RIT1: variants seen among roughly 807,000 people sequenced by gnomAD.
The protein encoded by RIT1 is GTP-binding protein Rit1.
Under a neutral mutation model 25.6 loss-of-function variants are expected in RIT1, and 6 were observed. The ratio of observed to expected loss-of-function variants is 0.23; its 90% confidence interval spans 0.13 to 0.46. The LOEUF (loss-of-function observed/expected upper bound fraction) is 0.46, where lower values mean the gene tolerates loss of function less well. Ranked by LOEUF, RIT1 falls within the 20% of genes least tolerant of loss-of-function variation. The pLI is 0.99. For synonymous variants in RIT1, 81 were observed against 94.1 expected (o/e 0.86, Z 0.80); for missense variants, 219 against 284.4 (o/e 0.77, Z 1.65).
intron 3 of RIT1, 84 bp from the exon 4 acceptor site, chr1:155,904,888 A>C (rs1407099734): frequency 1.2e-6 from 1 of 860,754 alleles, no homozygotes; most frequent in Non-Finnish European, 1.9e-6. Flanking sequence ...AGAGTAGTAC[A>C]TTGTATCCAA....
At chr1:155,902,104 G>C (rs1266693962) in intron 5 of RIT1, among the ~76,000 whole-genome samples, 1 of 152,164 alleles carries the variant, frequency 6.6e-6, no homozygotes, top group Non-Finnish European at 1.5e-5. Context: ...TCCAGCAAAA[G>C]AGGATGTAGC....
At chr1:155,901,729 G>C (rs1673316380) in intron 5 of RIT1, among the ~76,000 whole-genome samples, 1 of 151,934 alleles carries the variant, frequency 6.6e-6, no homozygotes, top group Non-Finnish European at 1.5e-5. Context: ...AAGGTAAGAG[G>C]ATCACTTGAG....
chr1:155,908,826 G>A (rs553287973), intron 3 of RIT1, among the ~76,000 whole-genome samples: 23 of 152,012 alleles, frequency 1.5e-4, no homozygotes, highest in Non-Finnish European at 2.8e-4. Flanking sequence ...ACCTCTCAAA[G>A]TGCTGGGATT....
intron 3 of RIT1, chr1:155,910,042 G>T (rs1315914719): frequency 5.7e-6 from 1 of 176,646 alleles, no homozygotes; most frequent in African/African-American, 2.4e-5. Flanking sequence ...GCATGTCTGG[G>T]TTGTAAGAGT....
intron 3 of RIT1, among the ~76,000 whole-genome samples, chr1:155,908,379 C>T (rs974884737): frequency 6.9e-6 from 1 of 145,608 alleles, no homozygotes; most frequent in Admixed American, 6.9e-5. Flanking sequence ...GGCGTGAACC[C>T]GGGAGGCGGA....
In RIT1 at chr1:155,910,772, G is replaced by A; in HGVS notation, c.-11C>T. ...AGTTCCAGAATCCATTGTCCTCTTGGGGCCTTCCTCGGTTGCCCCGAGGAA... is the reference window on the plus strand; with the variant it reads ...AGTTCCAGAATCCATTGTCCTCTTGAGGCCTTCCTCGGTTGCCCCGAGGAA... On this transcript the variant is annotated 5_prime_UTR_variant, in exon 2 of 6. Coordinates refer to ENST00000368323, the MANE Select transcript of RIT1 (RefSeq NM_006912.6). 1 of 1,614,164 alleles carries A rather than the reference G, an allele frequency of 6.2e-7. No homozygotes were observed. The highest frequency in any genetic ancestry group is 8.5e-7 in the Non-Finnish European group (1 of 1,180,024).
Position 155,899,230 on chromosome 1 carries a change from C to G in RIT1, c.*1158G>C, listed in dbSNP as rs1320792332. 1.5e-5 allele frequency: 3 copies of G among 203,058 alleles called. No individual in the cohort carries two copies. The highest frequency in any genetic ancestry group is 3.0e-5 in the Non-Finnish European group (3 of 98,662). The allele number at this position is 203,058 out of a possible 1,614,324, so 12.6% of individuals were successfully genotyped here. On this transcript the variant is annotated 3_prime_UTR_variant, in exon 6 of 6. Coordinates refer to ENST00000368323, the MANE Select transcript of RIT1 (RefSeq NM_006912.6). The stretch of plus-strand genomic sequence containing the variant: ...AAACTTGGTCAAGGCTCAGATAACC[C>G]TGAGATGAACTTAGCAAAGTCCTTG...
At chr1:155,902,386 A>G (rs1391883921) in intron 5 of RIT1, among the ~76,000 whole-genome samples, 3 of 151,864 alleles carry the variant, frequency 2.0e-5, no homozygotes, top group Non-Finnish European at 4.4e-5. Context: ...GAAAAGAAAA[A>G]TTAGCTGGGC....
rs1673291260 is a variant in RIT1, at chr1:155,900,502, T to C, written c.546A>G (p.Ile182Met). Residue 182 changes from isoleucine (I) to methionine (M), a missense_variant, in exon 6 of 6, where the codon ATA (isoleucine) becomes ATG (methionine). Physicochemically the swap from Ile to Met is conservative, Grantham distance 10. Coordinates refer to ENST00000368323, the MANE Select transcript of RIT1 (RefSeq NM_006912.6). Reference protein sequence around the residue: ...DDVFHALVREIRRKEKEAVLA... With the variant: ...DDVFHALVREMRRKEKEAVLA... ...GTACTGCCTCCTTTTCTTTCCTACG[T>C]ATCTCCCGTACAAGGGCATGGAAAA... The C allele has an allele frequency of 1.2e-6, 2 of 1,614,162 alleles. No homozygotes were observed. The highest frequency in any genetic ancestry group is 2.2e-5 in the South Asian group (2 of 91,080).
At position 155,898,660 on chromosome 1, in the gene RIT1, G is replaced by A. The variant is rs1242902491; in HGVS notation, c.*1728C>T. On this transcript the variant is annotated 3_prime_UTR_variant, in exon 6 of 6. Transcript: ENST00000368323. ...AACATTCTCATAATAGAATTGCACT[G>A]TATTTCTTTTCTACTTTGATGCTTT... The A allele has an allele frequency of 5.3e-6, 1 of 187,324 alleles. No individual in the cohort carries two copies. Among genetic ancestry groups the A allele is most frequent in the Non-Finnish European group, 1.1e-5 (1 of 88,950 alleles). The allele number at this position is 187,324 out of a possible 1,614,324, so 11.6% of individuals were successfully genotyped here. A position where few individuals can be genotyped will look rare whatever the true frequency, so the allele number is the denominator to read the frequency against.
At position 155,904,746 on chromosome 1, in the gene RIT1, C is replaced by T. The variant is rs1477866832; in HGVS notation, c.222G>A (p.Leu74=). The change falls in exon 4 of 6, where the codon TTG becomes TTA. Residue 74 remains leucine, a synonymous_variant. Transcript: ENST00000368323. ...IDDEPANLDI[L]DTAGQAEFTA... is the part of the protein sequence containing the mutation. ...GATTTAATACCTGTCCAGCTGTATCCAAAATGTCCAGATTGGCAGGCTCAT... is the reference window on the plus strand; with the variant it reads ...GATTTAATACCTGTCCAGCTGTATCTAAAATGTCCAGATTGGCAGGCTCAT... 6.2e-7 allele frequency: 1 copy of T among 1,611,510 alleles called. No individual in the cohort carries two copies. The highest frequency in any genetic ancestry group is 1.1e-5 in the South Asian group (1 of 91,038).
At position 155,898,349 on chromosome 1, in the gene RIT1, C is replaced by T. The variant is rs1263387797; in HGVS notation, c.*2039G>A. On this transcript the variant is annotated 3_prime_UTR_variant, in exon 6 of 6. Transcript: ENST00000368323. The stretch of plus-strand genomic sequence containing the variant: ...TTCTGGCAATGTTTCTACTGCCTGA[C>T]TACCTTAAATAACTATATAGTGTCA... 6.6e-6 allele frequency: 1 copy of T among 151,608 alleles called. No homozygotes were observed. Among genetic ancestry groups the T allele is most frequent in the African/African-American group, 2.4e-5 (1 of 41,226 alleles). The allele number at this position is 151,608 out of a possible 1,614,324, so 9.4% of individuals were successfully genotyped here.
At chr1:155,901,980 A>G (rs868686575) in intron 5 of RIT1, among the ~76,000 whole-genome samples, 6 of 152,272 alleles carry the variant, frequency 3.9e-5, no homozygotes, top group African/African-American at 1.4e-4. Context: ...ACTAAACAAT[A>G]CAACCATGAA....
At position 155,898,502 on chromosome 1, in the gene RIT1, A is replaced by ATAT. The variant is rs1673232141; in HGVS notation, c.*1885_*1886insATA. On this transcript the variant is annotated 3_prime_UTR_variant, in exon 6 of 6. Transcript: ENST00000368323. The stretch of plus-strand genomic sequence containing the variant: ...AACCTCATCTCTATTTAAAAAAAAA[A>ATAT]AAAAAAAAAAAAAAAAATATATATA... The ATAT allele has an allele frequency of 1.9e-5, 2 of 103,248 alleles. No individual in the cohort carries two copies. The highest frequency in any genetic ancestry group is 8.2e-5 in the African/African-American group (2 of 24,480). The allele number at this position is 103,248 out of a possible 1,614,324, so 6.4% of individuals were successfully genotyped here.
At chr1:155,900,650 G>C (rs749154341) in intron 5 of RIT1, 32 bp from the exon 6 acceptor site, 2 of 1,572,142 alleles carry the variant, frequency 1.3e-6, no homozygotes, top group South Asian at 2.2e-5. Flanking sequence ...AAAGATAACA[G>C]TGAAAAACAA....
chr1:155,910,730 CAG>C lies in RIT1; in HGVS notation c.30_31del (p.Ser10ArgfsTer3), dbSNP rs1673577756. 1.9e-6 allele frequency: 3 copies of C among 1,614,152 alleles called. No homozygotes were observed. The Admixed American group carries it at 5.0e-5, about 27-fold the overall frequency. On this transcript the variant is annotated frameshift_variant, in exon 2 of 6. Coordinates refer to ENST00000368323, the MANE Select transcript of RIT1 (RefSeq NM_006912.6). LOFTEE classifies it high-confidence loss of function. ...TGAGAGCCCAGCGGGGCTGCTACAG[CAG>C]CTACCAACTGGGCGAGTTCCAGAAT...
chr1:155,905,630 A>C (rs1673421990), intron 3 of RIT1, among the ~76,000 whole-genome samples: 2 of 152,202 alleles, frequency 1.3e-5, no homozygotes, highest in African/African-American at 4.8e-5. Context: ...AATCACAATA[A>C]TCCAATGAAG....
rs1176606561 is a variant in RIT1, at chr1:155,898,204, C to T, written c.*2184G>A. 1 of 152,118 alleles carries T rather than the reference C, an allele frequency of 6.6e-6. No individual in the cohort carries two copies. Among genetic ancestry groups the T allele is most frequent in the Non-Finnish European group, 1.5e-5 (1 of 67,992 alleles). 9.4% of individuals were successfully genotyped at this position (152,118 alleles called of 1,614,324 possible). A position where few individuals can be genotyped will look rare whatever the true frequency, so the allele number is the denominator to read the frequency against. On this transcript the variant is annotated 3_prime_UTR_variant, in exon 6 of 6. Transcript: ENST00000368323. ...ATCATACCTGTCAAGCTACCTAGCA[C>T]CACGAATAGAACTAATATTAATGGA... is the stretch of plus-strand genomic sequence containing the variant.
chr1:155,905,181 C>A (rs1673411000), intron 3 of RIT1, among the ~76,000 whole-genome samples: 3 of 151,796 alleles, frequency 2.0e-5, no homozygotes, highest in African/African-American at 7.3e-5. Context: ...CCAGCCTGGG[C>A]AACACAGCAA....
Sources: gnomAD v4.1 joint callset for allele counts (sites outside exome capture counted in the v4.1 genomes callset) on GRCh38, gnomAD v4.1.1 for gene constraint, MANE v1.5 for transcripts, NCBI Gene and HGNC (gene_info 2026-07-23, HGNC 2026-07-21) for gene names.